PLEKHH2: variants seen among roughly 807,000 people sequenced by gnomAD.
PLEKHH2 encodes the protein pleckstrin homology domain-containing family H member 2.
In PLEKHH2, 129 loss-of-function variants were observed where a neutral mutation model predicts 187.9. The observed-to-expected ratio is 0.69, with a 90% CI of 0.59 to 0.79. PLEKHH2 has a LOEUF of 0.79. Among genes scored for constraint, PLEKHH2 ranks in the 30% least tolerant of loss-of-function variants. The probability of loss-of-function intolerance (pLI) is 0.00; values close to 1 mark genes in which losing one functional copy is unlikely to be tolerated. For synonymous variants in PLEKHH2, 686 were observed against 605.6 expected (o/e 1.13, Z -1.95); for missense variants, 2,076 against 1,751.2 (o/e 1.19, Z -3.31).
intron 23 of PLEKHH2, 94 bp downstream of exon 23, chr2:43,744,083 G>C: frequency 6.7e-7 from 1 of 1,487,510 alleles, no homozygotes; most frequent in Non-Finnish European, 8.9e-7. Context: ...GTTTAATTCA[G>C]GAGTTTTCCA....
intron 1 of PLEKHH2, among the ~76,000 whole-genome samples, chr2:43,643,059 A>G (rs1666021027): frequency 6.6e-6 from 1 of 152,148 alleles, no homozygotes; most frequent in Non-Finnish European, 1.5e-5. Flanking sequence ...GCTAATAAGG[A>G]GAAAAATGAA....
chr2:43,653,788 T>A (rs558919967), intron 2 of PLEKHH2, among the ~76,000 whole-genome samples: 1 of 152,286 alleles, frequency 6.6e-6, no homozygotes, highest in African/African-American at 2.4e-5. Context: ...GAATTATTGA[T>A]TCATTCATGA....
intron 2 of PLEKHH2, among the ~76,000 whole-genome samples, chr2:43,668,892 A>G (rs1667357950): frequency 6.6e-6 from 1 of 152,242 alleles, no homozygotes. Context: ...GAGTCTGGCC[A>G]GTTCCCTTGA....
At chr2:43,718,678 A>G (rs538616278) in intron 15 of PLEKHH2, among the ~76,000 whole-genome samples, 2 of 152,216 alleles carry the variant, frequency 1.3e-5, no homozygotes, top group Non-Finnish European at 2.9e-5. Context: ...AAGATAAATC[A>G]TTTCAGAAGT....
chr2:43,739,791 A>G (rs1671478575), intron 20 of PLEKHH2, among the ~76,000 whole-genome samples: 1 of 152,066 alleles, frequency 6.6e-6, no homozygotes, highest in African/African-American at 2.4e-5. Context: ...AATATTCTCC[A>G]CCATGCACCT....
At chr2:43,674,912 G>A (rs1175884687) in intron 2 of PLEKHH2, among the ~76,000 whole-genome samples, 3 of 151,964 alleles carry the variant, frequency 2.0e-5, no homozygotes, top group Admixed American at 6.6e-5. Flanking sequence ...TTGAACCCGG[G>A]AGGCGGAGGT....
At chr2:43,677,700 A>C (rs1339461634) in intron 2 of PLEKHH2, among the ~76,000 whole-genome samples, 1 of 151,664 alleles carries the variant, frequency 6.6e-6, no homozygotes, top group Non-Finnish European at 1.5e-5. Flanking sequence ...GCCCGTTCTC[A>C]ATGAGCTGTT....
chr2:43,682,861 G>T (rs114475925), intron 3 of PLEKHH2, among the ~76,000 whole-genome samples: 2 of 151,950 alleles, frequency 1.3e-5, no homozygotes, highest in Non-Finnish European at 2.9e-5. Context: ...TCATTTAGCA[G>T]AATGTTTTTG....
At chr2:43,668,970 G>C (rs996262045) in intron 2 of PLEKHH2, among the ~76,000 whole-genome samples, 2 of 152,326 alleles carry the variant, frequency 1.3e-5, no homozygotes, top group African/African-American at 4.8e-5. Context: ...TCTAACTTGA[G>C]AGAACTCTGG....
chr2:43,681,134 G>A, intron 3 of PLEKHH2: 1 of 817,484 alleles, frequency 1.2e-6, no homozygotes, highest in Non-Finnish European at 2.0e-6. Context: ...AAGTCAAGGA[G>A]CCTCCTGCAA....
At chr2:43,741,464 C>A (rs1671558048) in intron 21 of PLEKHH2, 1 of 153,414 alleles carries the variant, frequency 6.5e-6, no homozygotes. Flanking sequence ...ATTTGAATTA[C>A]TTCAGAATTG....
At chr2:43,753,812 T>G (rs779470059) in intron 25 of PLEKHH2, 52 bp downstream of exon 25, 5 of 1,345,712 alleles carry the variant, frequency 3.7e-6, no homozygotes, top group Non-Finnish European at 4.0e-6. Context: ...GATACTAATT[T>G]CTACACTGAA....
intron 3 of PLEKHH2, among the ~76,000 whole-genome samples, chr2:43,684,515 T>G (rs1668397036): frequency 6.6e-6 from 1 of 152,084 alleles, no homozygotes. Context: ...TATTTGTGAT[T>G]TTCAACTATC....
intron 3 of PLEKHH2, chr2:43,681,611 C>T (rs868524261): frequency 1.7e-5 from 12 of 720,450 alleles, no homozygotes; most frequent in Admixed American, 2.3e-5. Context: ...GAGCTGTACA[C>T]GATATGACAC....
chr2:43,641,110 T>C (rs892680978), intron 1 of PLEKHH2, among the ~76,000 whole-genome samples: 4 of 151,982 alleles, frequency 2.6e-5, no homozygotes, highest in African/African-American at 9.7e-5. Flanking sequence ...CATTGTTTAA[T>C]TGGGTTATCT....
chr2:43,644,542 G>T (rs553021967), intron 1 of PLEKHH2, 129 bp from the exon 2 acceptor site: 1 of 639,546 alleles, frequency 1.6e-6, no homozygotes, highest in East Asian at 3.6e-5. Flanking sequence ...ATTTGTACAT[G>T]GATCTCACTA....
At chr2:43,684,838 A>G (rs1220530383) in intron 3 of PLEKHH2, among the ~76,000 whole-genome samples, 3 of 147,808 alleles carry the variant, frequency 2.0e-5, no homozygotes, top group African/African-American at 7.7e-5. Context: ...AAAAAAAAAG[A>G]GAGAGAATTA....
At chr2:43,683,935 T>C (rs1487875819) in intron 3 of PLEKHH2, among the ~76,000 whole-genome samples, 1 of 152,090 alleles carries the variant, frequency 6.6e-6, no homozygotes, top group Non-Finnish European at 1.5e-5. Context: ...GTACAGAGCT[T>C]TCATATATCC....
intron 3 of PLEKHH2, among the ~76,000 whole-genome samples, chr2:43,688,142 A>G (rs1668619746): frequency 2.0e-5 from 3 of 152,180 alleles, no homozygotes; most frequent in Non-Finnish European, 2.9e-5. Flanking sequence ...TCCTTTGCCC[A>G]TAGCTTCTGC....
Sources: gnomAD v4.1 joint callset for allele counts (sites outside exome capture counted in the v4.1 genomes callset) on GRCh38, gnomAD v4.1.1 for gene constraint, MANE v1.5 for transcripts, NCBI Gene and HGNC (gene_info 2026-07-23, HGNC 2026-07-21) for gene names.